HIBADH: variants seen among roughly 807,000 people sequenced by gnomAD.
The protein encoded by HIBADH is 3-hydroxyisobutyrate dehydrogenase, mitochondrial.
A neutral mutation model predicts 36.1 loss-of-function variants in HIBADH; 25 were observed. The ratio of observed to expected loss-of-function variants is 0.69; its 90% CI spans 0.50 to 0.97. The LOEUF is 0.97. Among genes scored for constraint, HIBADH ranks in the 50% least tolerant of loss-of-function variants. HIBADH has a pLI of 0.00. For synonymous variants in HIBADH, 160 were observed against 149.5 expected, an observed-to-expected ratio of 1.07 and a Z score of -0.51; for missense variants, 421 against 418.0, an observed-to-expected ratio of 1.01 and a Z score of -0.06.
In HIBADH at chr7:27,588,635, ATAGAG is replaced by A. The variant is rs562888036; in HGVS notation, c.484+40731_484+40735del. ...GATGAGCCACCACACCTGGCCCAGT[ATAGAG>A]TATTTTAAAATATATCATGAAACCA... On this transcript the variant is annotated intron_variant, in intron 4 of 7. Transcript: ENST00000265395. 1.5e-4 allele frequency among the ~76,000 whole-genome samples: 23 copies of A among 152,314 alleles called. No homozygotes were observed. The South Asian group carries it at 4.3e-3, about 29-fold the overall frequency.
intron 4 of HIBADH, among the ~76,000 whole-genome samples, chr7:27,623,829 ACT>A (rs1268340690): frequency 6.6e-6 from 1 of 152,172 alleles, no homozygotes; most frequent in African/African-American, 2.4e-5. Flanking sequence ...ACAAGGTCTC[ACT>A]CTGTCACCCA....
chr7:27,622,552 AAAG>A (rs1176264327), intron 4 of HIBADH, among the ~76,000 whole-genome samples: 3 of 152,178 alleles, frequency 2.0e-5, no homozygotes, highest in African/African-American at 7.2e-5. Flanking sequence ...TTAACCAGGA[AAAG>A]AAGAGAGAAG....
At position 27,537,313 on chromosome 7, in the gene HIBADH, T is replaced by C. The variant is rs973828944; in HGVS notation, c.695+1028A>G. ...AACATGACAACTTAATAGGTCAAGATAGTTAAACATCTGAGACAAGGGCAA... is the reference window on the plus strand; with the variant it reads ...AACATGACAACTTAATAGGTCAAGACAGTTAAACATCTGAGACAAGGGCAA... On this transcript the variant is annotated intron_variant, in intron 6 of 7. Coordinates refer to ENST00000265395, the MANE Select transcript of HIBADH (RefSeq NM_152740.4). 6.6e-5 allele frequency among the ~76,000 whole-genome samples: 10 copies of C among 152,186 alleles called. No individual in the cohort carries two copies. The East Asian group carries it at 7.7e-4, about 12-fold the overall frequency.
At chr7:27,560,279 G>A (rs1272881583) in intron 4 of HIBADH, among the ~76,000 whole-genome samples, 3 of 152,172 alleles carry the variant, frequency 2.0e-5, no homozygotes, top group South Asian at 2.1e-4. Context: ...GCACCACCAC[G>A]CCTAATTTTT....
chr7:27,572,870 A>G (rs1329851788), intron 4 of HIBADH, among the ~76,000 whole-genome samples: 1 of 152,204 alleles, frequency 6.6e-6, no homozygotes, highest in African/African-American at 2.4e-5. Flanking sequence ...ATTAACTTTA[A>G]TACACAAAAT....
chr7:27,628,503 A>G (rs1278726429), intron 4 of HIBADH, among the ~76,000 whole-genome samples: 1 of 152,150 alleles, frequency 6.6e-6, no homozygotes. Context: ...TGGAAATTAC[A>G]GAGAAGCCAT....
chr7:27,598,711 C>CA (rs1191273866), intron 4 of HIBADH, among the ~76,000 whole-genome samples: 9 of 151,850 alleles, frequency 5.9e-5, no homozygotes, highest in Non-Finnish European at 1.2e-4. Context: ...AACACTTTCC[C>CA]AAAAAAGGGC....
rs541547815 is a variant in HIBADH, at chr7:27,616,994, AT to A, written c.484+12376del. Among the ~76,000 whole-genome samples, 1,195 of 152,242 alleles carry A rather than the reference AT, an allele frequency of 7.8e-3. 10 individuals carry two copies. The highest frequency in any genetic ancestry group is 0.027 in the African/African-American group (1,104 of 41,534). On this transcript the variant is annotated intron_variant, in intron 4 of 7. Coordinates refer to ENST00000265395, the MANE Select transcript of HIBADH (RefSeq NM_152740.4). The stretch of plus-strand genomic sequence containing the variant: ...AGTTGATTTATTATTGAAGAAAAAT[AT>A]TTTTTATAAGTTTAGTGTACCCTAA...
At chr7:27,634,021 A>AATTACATT (rs1785793602) in intron 2 of HIBADH, among the ~76,000 whole-genome samples, 1 of 152,234 alleles carries the variant, frequency 6.6e-6, no homozygotes, top group African/African-American at 2.4e-5. Flanking sequence ...AGCTAGAAGT[A>AATTACATT]ATTACATTTC....
chr7:27,620,516 A>C (rs925164346), intron 4 of HIBADH, among the ~76,000 whole-genome samples: 14 of 152,112 alleles, frequency 9.2e-5, no homozygotes, highest in Non-Finnish European at 2.1e-4. Context: ...AAAACAAAAA[A>C]AAAACCCTGG....
intron 4 of HIBADH, among the ~76,000 whole-genome samples, chr7:27,604,139 C>T (rs1785178618): frequency 6.6e-6 from 1 of 152,088 alleles, no homozygotes; most frequent in South Asian, 2.1e-4. Flanking sequence ...CTAAATGCTT[C>T]ATTACTAAAT....
At chr7:27,655,642 G>A (rs984686304) in intron 1 of HIBADH, among the ~76,000 whole-genome samples, 2 of 151,974 alleles carry the variant, frequency 1.3e-5, no homozygotes, top group African/African-American at 2.4e-5. Flanking sequence ...CAAAAATAGA[G>A]CTACTTTGTT....
At chr7:27,563,775 A>G (rs960728561) in intron 4 of HIBADH, among the ~76,000 whole-genome samples, 15 of 152,142 alleles carry the variant, frequency 9.9e-5, no homozygotes, top group African/African-American at 3.4e-4. Flanking sequence ...ACTTTTGAGA[A>G]ATGTTTATAC....
chr7:27,531,042 T>G, intron 7 of HIBADH, 150 bp downstream of exon 7: 1 of 748,648 alleles, frequency 1.3e-6, no homozygotes. Flanking sequence ...TCATCTAAGT[T>G]AGGTTTTTAC....
At chr7:27,652,769 G>A (rs1222535720) in intron 1 of HIBADH, among the ~76,000 whole-genome samples, 1 of 152,110 alleles carries the variant, frequency 6.6e-6, no homozygotes, top group Admixed American at 6.5e-5. Flanking sequence ...CCTATTCACA[G>A]GAGCTCTATC....
At chr7:27,561,633 A>C (rs1784469836) in intron 4 of HIBADH, among the ~76,000 whole-genome samples, 1 of 152,164 alleles carries the variant, frequency 6.6e-6, no homozygotes, top group Non-Finnish European at 1.5e-5. Context: ...CCACCTGATC[A>C]AATTTATTCA....
intron 4 of HIBADH, among the ~76,000 whole-genome samples, chr7:27,584,726 C>A (rs570124457): frequency 6.6e-6 from 1 of 152,058 alleles, no homozygotes; most frequent in Admixed American, 6.5e-5. Context: ...AAGACATGTA[C>A]TCAACATTAA....
intron 4 of HIBADH, among the ~76,000 whole-genome samples, chr7:27,612,885 T>C (rs1468100015): frequency 6.8e-6 from 1 of 146,314 alleles, no homozygotes. Flanking sequence ...AGTTCAAGGA[T>C]GCAGTAAGCT....
intron 1 of HIBADH, among the ~76,000 whole-genome samples, chr7:27,653,594 G>A (rs374652652): frequency 3.9e-5 from 6 of 152,176 alleles, no homozygotes; most frequent in Admixed American, 6.5e-5. Flanking sequence ...AAAATTAGCC[G>A]GGTGTAGTGG....
Sources: gnomAD v4.1 joint callset for allele counts (sites outside exome capture counted in the v4.1 genomes callset) on GRCh38, gnomAD v4.1.1 for gene constraint, MANE v1.5 for transcripts, NCBI Gene and HGNC (gene_info 2026-07-23, HGNC 2026-07-21) for gene names.